The following CYP51A1 variants were observed in gnomAD, a reference collection of about 807,000 sequenced individuals.
The protein encoded by CYP51A1 is cytochrome P450 family 51 subfamily A member 1.
In CYP51A1, 45 loss-of-function variants were observed where a neutral mutation model predicts 53.5. The ratio of observed to expected loss-of-function variants is 0.84; its 90% CI spans 0.66 to 1.08. The LOEUF is 1.08. Among genes scored for constraint, CYP51A1 ranks in the 50% least tolerant of loss-of-function variants. The pLI, the probability that CYP51A1 is intolerant of heterozygous loss-of-function variation, is 0.00. For missense variants in CYP51A1, 462 were observed against 621.7 expected, an observed-to-expected ratio of 0.74 and a Z score of 2.73; for synonymous variants, 181 against 217.7, an observed-to-expected ratio of 0.83 and a Z score of 1.48.
chr7:92,119,113 G>A (rs983881589), intron 7 of CYP51A1, among the ~76,000 whole-genome samples: 2 of 152,124 alleles, frequency 1.3e-5, no homozygotes, highest in Non-Finnish European at 2.9e-5. Context: ...ACTATTAGAG[G>A]AGCCAGAGCA....
At chr7:92,117,717 C>T (rs1467441201) in intron 8 of CYP51A1, among the ~76,000 whole-genome samples, 8 of 152,094 alleles carry the variant, frequency 5.3e-5, no homozygotes, top group African/African-American at 1.7e-4. Context: ...AGGCCGGGCG[C>T]GGGATTACAC....
chr7:92,117,485 G>A (rs371983605), intron 8 of CYP51A1: 30 of 266,016 alleles, frequency 1.1e-4, no homozygotes, highest in Middle Eastern at 1.1e-3. Context: ...GTGAGCCAGC[G>A]TTGGGTTGGA....
Position 92,127,637 on chromosome 7 carries a change from A to G in CYP51A1, c.469-6T>C, listed in dbSNP as rs1434705429. 6.2e-7 allele frequency: 1 copy of G among 1,613,502 alleles called. No individual in the cohort carries two copies. The highest frequency in any genetic ancestry group is 1.7e-5 in the Admixed American group (1 of 59,990). On this transcript the variant is annotated splice_polypyrimidine_tract_variant and splice_region_variant and intron_variant, in intron 3 of 9. Transcript: ENST00000003100. ...TTCTTCTGCTCCAAGAAAACCTTCA[A>G]AAAAATTCAAAACGGGGATACGGCA...
intron 4 of CYP51A1, among the ~76,000 whole-genome samples, 154 bp from the exon 5 acceptor site, chr7:92,126,581 G>A (rs1819806044): frequency 6.6e-6 from 1 of 151,906 alleles, no homozygotes. Context: ...CAACAAAGAG[G>A]GGCAATAAAC....
At chr7:92,125,100 T>C (rs546506179) in intron 5 of CYP51A1, among the ~76,000 whole-genome samples, 4 of 138,054 alleles carry the variant, frequency 2.9e-5, no homozygotes, top group African/African-American at 1.1e-4. Flanking sequence ...GCCGAGCTCA[T>C]GCCACTGCAC....
rs2269727 is a variant in CYP51A1, at chr7:92,123,376, C to A, written c.891-61G>T. ...TGGCAGATACATTTCATGCCTCAAC[C>A]TTTAAATAAAGTGTCATAATGAATA... On this transcript the variant is annotated intron_variant, in intron 6 of 9. Coordinates refer to ENST00000003100, the MANE Select transcript of CYP51A1 (RefSeq NM_000786.4). 0.38 allele frequency: 511,281 copies of A among 1,341,306 alleles called. 99,750 individuals carry two copies. The highest frequency in any genetic ancestry group is 0.46 in the African/African-American group (31,470 of 68,270). 83.1% of individuals were successfully genotyped at this position (1,341,306 alleles called of 1,614,324 possible). A position where few individuals can be genotyped will look rare whatever the true frequency, so the allele number is the denominator to read the frequency against.
chr7:92,123,705 G>A, intron 6 of CYP51A1, 29 bp downstream of exon 6: 1 of 1,571,598 alleles, frequency 6.4e-7, no homozygotes, highest in Admixed American at 2.0e-5. Context: ...TCCTGCTTCA[G>A]CTTAATATGT....
At chr7:92,117,983 C>T (rs1227062007) in intron 8 of CYP51A1, among the ~76,000 whole-genome samples, 3 of 126,246 alleles carry the variant, frequency 2.4e-5, no homozygotes, top group South Asian at 5.2e-4. Context: ...AGTGAAATGC[C>T]GTCTCAAAAA....
At chr7:92,127,263 A>G (rs1819818903) in intron 4 of CYP51A1, among the ~76,000 whole-genome samples, 1 of 152,208 alleles carries the variant, frequency 6.6e-6, no homozygotes, top group African/African-American at 2.4e-5. Context: ...CTGTGGGCAG[A>G]TGTTGCTTCC....
chr7:92,126,363 T>A lies in CYP51A1; in HGVS notation c.660A>T (p.Glu220Asp). The A allele has an allele frequency of 6.2e-7, 1 of 1,613,726 alleles. No homozygotes were observed. Among genetic ancestry groups the A allele is most frequent in the South Asian group, 1.1e-5 (1 of 91,064 alleles). Residue 220 changes from glutamate (E) to aspartate (D), a missense_variant, in exon 5 of 10, where the codon GAA (glutamate) becomes GAT (aspartate). Coordinates refer to ENST00000003100, the MANE Select transcript of CYP51A1 (RefSeq NM_000786.4). ...LTASHCLHGK[E>D]IRSQLNEKVA... ...CCTTTTCATTGAGTTGACTTCTGAT[T>A]TCCTTTCCATGCAAACAATGGCTAG...
At position 92,126,366 on chromosome 7, in the gene CYP51A1, C is replaced by G; in HGVS notation, c.657G>C (p.Lys219Asn). ...TTTCATTGAGTTGACTTCTGATTTC[C>G]TTTCCATGCAAACAATGGCTAGCTG... The part of the protein sequence containing the change: ...ILTASHCLHG[K>N]EIRSQLNEKV... Residue 219 changes from lysine to asparagine, a missense_variant, in exon 5 of 10, where the codon AAG becomes AAC. By Grantham distance (94) the Lys-to-Asn change is moderately conservative. Transcript: ENST00000003100. 6.2e-7 allele frequency: 1 copy of G among 1,613,694 alleles called. No homozygotes were observed.
At chr7:92,115,381 T>C (rs1819562452) in intron 9 of CYP51A1, among the ~76,000 whole-genome samples, 1 of 152,110 alleles carries the variant, frequency 6.6e-6, no homozygotes, top group African/African-American at 2.4e-5. Context: ...CTGGTGTCCT[T>C]ATAAGAATGC....
chr7:92,123,810 T>C lies in CYP51A1; in HGVS notation c.814A>G (p.Lys272Glu), dbSNP rs772139757. 2.5e-6 allele frequency: 4 copies of C among 1,609,338 alleles called. No individual in the cohort carries two copies. Among genetic ancestry groups the C allele is most frequent in the Non-Finnish European group, 3.4e-6 (4 of 1,177,634 alleles). ...GACTGTCTGCGTTTCTGGATTGCCT[T>C]ATAGAAAATATCCTTGATTTCCCGA... ...AHREIKDIFY[K>E]AIQKRRQSQE... Residue 272 changes from lysine to glutamate, a missense_variant, in exon 6 of 10, where the codon AAG (lysine) becomes GAG (glutamate). Lys to Glu is a moderately conservative substitution (Grantham distance 56, BLOSUM62 1). Transcript: ENST00000003100.
In CYP51A1 at chr7:92,126,434, A is replaced by AG. The variant is rs1329751528; in HGVS notation, c.596-8dup. The AG allele has an allele frequency of 1.3e-6, 2 of 1,579,460 alleles. No individual in the cohort carries two copies. Among genetic ancestry groups the AG allele is most frequent in the African/African-American group, 1.4e-5 (1 of 72,840 alleles). ...GAAAGAGCTTCAAACACATCTAGGG[A>AG]GAAAAAAAAGATTATTCTCATTACT... On this transcript the variant is annotated splice_region_variant and splice_polypyrimidine_tract_variant and intron_variant, in intron 4 of 9. Transcript: ENST00000003100.
At chr7:92,131,986 G>T in intron 1 of CYP51A1, 114 bp from the exon 2 acceptor site, 1 of 496,636 alleles carries the variant, frequency 2.0e-6, no homozygotes, top group Non-Finnish European at 3.4e-6. Flanking sequence ...TCAAAAAAAA[G>T]TTACCAAAAA....
At chr7:92,120,758 C>T (rs958710961) in intron 7 of CYP51A1, among the ~76,000 whole-genome samples, 2 of 151,980 alleles carry the variant, frequency 1.3e-5, no homozygotes, top group African/African-American at 2.4e-5. Context: ...CTACAAAACA[C>T]TAAGAAGAAT....
rs7784248 is a variant in CYP51A1 at position 92,128,797 on chromosome 7, A to G, written c.468+83T>C. ...AGCCACCATGCCTGGCTGTTTCTAC[A>G]TTTTAAATGTATAATGTCTCACTAT... On this transcript the variant is annotated intron_variant, in intron 3 of 9. Coordinates refer to ENST00000003100, the MANE Select transcript of CYP51A1 (RefSeq NM_000786.4). 484,691 of 1,250,038 alleles carry G rather than the reference A, an allele frequency of 0.39. 96,528 individuals carry two copies. The highest frequency in any genetic ancestry group is 0.51 in the African/African-American group (33,663 of 65,448). The allele number at this position is 1,250,038 out of a possible 1,614,324, so 77.4% of individuals were successfully genotyped here. A position where few individuals can be genotyped will look rare whatever the true frequency, so the allele number is the denominator to read the frequency against.
At chr7:92,133,252 A>G (rs1376333036) in intron 1 of CYP51A1, among the ~76,000 whole-genome samples, 1 of 142,268 alleles carries the variant, frequency 7.0e-6, no homozygotes, top group Non-Finnish European at 1.5e-5. Context: ...TAAATTGAAG[A>G]AAATGATTTT....
chr7:92,120,171 T>A (rs372813122), intron 7 of CYP51A1, among the ~76,000 whole-genome samples: 6 of 152,136 alleles, frequency 3.9e-5, no homozygotes, highest in African/African-American at 1.2e-4. Flanking sequence ...ATTTAAAGAC[T>A]AAAATTGTGC....
Sources: allele counts gnomAD v4.1 joint callset (sites outside exome capture counted in the v4.1 genomes callset), GRCh38; gene constraint gnomAD v4.1.1; transcripts MANE v1.5; gene names NCBI Gene and HGNC (gene_info 2026-07-23, HGNC 2026-07-21).